The following RNGTT variants were observed in gnomAD, a reference collection of about 807,000 sequenced individuals.
RNGTT encodes RNA guanylyltransferase and 5'-phosphatase, also known as mRNA-capping enzyme.
In RNGTT, 33 loss-of-function variants were observed where a neutral mutation model predicts 79.3. The ratio of observed to expected loss-of-function variants is 0.42; its 90% CI spans 0.32 to 0.56. The LOEUF (loss-of-function observed/expected upper bound fraction) is 0.56, where lower values mean the gene tolerates loss of function less well. Among genes scored for constraint, RNGTT ranks in the 20% least tolerant of loss-of-function variants. The probability of loss-of-function intolerance (pLI) is 0.17; values close to 1 mark genes in which losing one functional copy is unlikely to be tolerated. For synonymous variants in RNGTT, 222 were observed against 235.9 expected (o/e 0.94, Z 0.54); for missense variants, 497 against 739.1 (o/e 0.67, Z 3.80).
rs747981509 is a variant in RNGTT at position 88,844,366 on chromosome 6, A to C, written c.1260T>G (p.Thr420=). The C allele has an allele frequency of 5.0e-6, 8 of 1,610,086 alleles. No individual in the cohort carries two copies. The highest frequency in any genetic ancestry group is 6.8e-6 in the Non-Finnish European group (8 of 1,179,034). ...VRNKPFFDIC[T]SRKLLEGNFA... Reference sequence around the variant, plus strand: ...AAAAATTAAACTTTACCTTTCTTGAAGTACAGATGTCAAAAAACGGCTTAT... The same window carrying C: ...AAAAATTAAACTTTACCTTTCTTGACGTACAGATGTCAAAAAACGGCTTAT... The change falls in exon 11 of 16, where the codon ACT becomes ACG. Residue 420 remains threonine (T), a synonymous_variant. Transcript: ENST00000369485.
rs1427879611 is a variant in RNGTT at position 88,930,155 on chromosome 6, TAC to T, written c.175-890_175-889del. 9.5e-5 allele frequency among the ~76,000 whole-genome samples: 14 copies of T among 147,988 alleles called. No individual in the cohort carries two copies. In the South Asian group the frequency reaches 2.7e-3, roughly 29 times the overall value. ...ATACATACATATACATATACGTACATACATATATACATATACATATATGTATA... is the reference window on the plus strand; with the variant it reads ...ATACATACATATACATATACGTACATATATATACATATACATATATGTATA... On this transcript the variant is annotated intron_variant, in intron 2 of 15. Transcript: ENST00000369485.
At chr6:88,632,560 C>G (rs1772939691) in intron 14 of RNGTT, among the ~76,000 whole-genome samples, 1 of 149,678 alleles carries the variant, frequency 6.7e-6, no homozygotes, top group Admixed American at 6.6e-5. Context: ...CACACACACA[C>G]ACACACACAC....
intron 14 of RNGTT, among the ~76,000 whole-genome samples, chr6:88,626,095 T>C (rs976904025): frequency 2.0e-5 from 3 of 151,980 alleles, no homozygotes; most frequent in Admixed American, 2.0e-4. Flanking sequence ...AACAGAGGCA[T>C]AGAGGAGTTA....
At chr6:88,636,509 A>G (rs188133231) in intron 14 of RNGTT, among the ~76,000 whole-genome samples, 1 of 152,102 alleles carries the variant, frequency 6.6e-6, no homozygotes, top group East Asian at 1.9e-4. Flanking sequence ...GCTCTTATCC[A>G]TATAATCTGA....
At chr6:88,669,489 C>T (rs1000590027) in intron 14 of RNGTT, among the ~76,000 whole-genome samples, 2 of 152,224 alleles carry the variant, frequency 1.3e-5, no homozygotes, top group Non-Finnish European at 2.9e-5. Flanking sequence ...GAAAAGACTT[C>T]ACCATCCCCG....
At chr6:88,890,459 G>A in intron 8 of RNGTT, 36 bp downstream of exon 8, 2 of 1,278,134 alleles carry the variant, frequency 1.6e-6, no homozygotes, top group African/African-American at 1.5e-5. Flanking sequence ...CAAGCATTAG[G>A]GTTATTTGTG....
intron 12 of RNGTT, among the ~76,000 whole-genome samples, chr6:88,785,757 C>T (rs2127851992): frequency 6.6e-6 from 1 of 152,250 alleles, no homozygotes; most frequent in East Asian, 1.9e-4. Flanking sequence ...CAAGACAAGG[C>T]ATTAGGCTAA....
chr6:88,654,369 T>G (rs1773902728), intron 14 of RNGTT, among the ~76,000 whole-genome samples: 1 of 152,184 alleles, frequency 6.6e-6, no homozygotes, highest in African/African-American at 2.4e-5. Context: ...TTCATTCCTT[T>G]CTCTCAAGTT....
intron 12 of RNGTT, among the ~76,000 whole-genome samples, chr6:88,770,271 T>C (rs994517389): frequency 6.6e-6 from 1 of 152,178 alleles, no homozygotes; most frequent in Non-Finnish European, 1.5e-5. Context: ...AAAATCATGA[T>C]ATTGAACATT....
At chr6:88,906,479 AC>A in intron 4 of RNGTT, 39 bp from the exon 5 acceptor site, 1 of 1,236,762 alleles carries the variant, frequency 8.1e-7, no homozygotes, top group South Asian at 1.4e-5. Context: ...TTAACAAATC[AC>A]TGCAGAGGCC....
At position 88,727,595 on chromosome 6, in the gene RNGTT, T is replaced by A. The variant is rs1296022029; in HGVS notation, c.1439+42179A>T. 3.3e-5 allele frequency among the ~76,000 whole-genome samples: 5 copies of A among 152,354 alleles called. No homozygotes were observed. The East Asian group carries it at 7.7e-4, about 23-fold the overall frequency. The stretch of plus-strand genomic sequence containing the variant: ...TAGGTCTACAAGGTTTTATTAAAAT[T>A]GAGTTTAACATTAATAACACACTAA... On this transcript the variant is annotated intron_variant, in intron 13 of 15. Coordinates refer to ENST00000369485, the MANE Select transcript of RNGTT (RefSeq NM_003800.5).
chr6:88,645,780 C>T (rs1205305990), intron 14 of RNGTT, among the ~76,000 whole-genome samples: 1 of 152,170 alleles, frequency 6.6e-6, no homozygotes, highest in Non-Finnish European at 1.5e-5. Flanking sequence ...ACAAATGGTG[C>T]TGGGAAAACT....
intron 8 of RNGTT, among the ~76,000 whole-genome samples, chr6:88,870,279 T>C (rs1258412829): frequency 6.6e-6 from 1 of 152,084 alleles, no homozygotes; most frequent in Non-Finnish European, 1.5e-5. Context: ...ATGTAGTTCC[T>C]CCAGAAAATA....
At chr6:88,646,275 A>T (rs1773554519) in intron 14 of RNGTT, among the ~76,000 whole-genome samples, 1 of 152,226 alleles carries the variant, frequency 6.6e-6, no homozygotes, top group Admixed American at 6.5e-5. Context: ...GAGAAATGCA[A>T]ATCAAAACCA....
chr6:88,893,278 G>A (rs768166529), intron 6 of RNGTT, among the ~76,000 whole-genome samples: 18 of 151,968 alleles, frequency 1.2e-4, no homozygotes, highest in Non-Finnish European at 2.1e-4. Flanking sequence ...TCAATATTAA[G>A]CATCCTAATT....
At chr6:88,895,632 T>C (rs374237483) in intron 6 of RNGTT, among the ~76,000 whole-genome samples, 5 of 152,312 alleles carry the variant, frequency 3.3e-5, no homozygotes, top group African/African-American at 1.2e-4. Flanking sequence ...AATACCTTCA[T>C]TATGTCAAGA....
intron 14 of RNGTT, among the ~76,000 whole-genome samples, chr6:88,615,967 G>A (rs577755599): frequency 1.3e-5 from 2 of 152,126 alleles, no homozygotes; most frequent in Admixed American, 1.3e-4. Flanking sequence ...TTGCAACACT[G>A]AAATGCTATA....
At chr6:88,871,120 G>C (rs1318765416) in intron 8 of RNGTT, among the ~76,000 whole-genome samples, 6 of 152,032 alleles carry the variant, frequency 3.9e-5, no homozygotes, top group Non-Finnish European at 8.8e-5. Context: ...ATGTATTCTA[G>C]AGTATACAGA....
At chr6:88,683,455 A>G (rs1032000380) in intron 13 of RNGTT, among the ~76,000 whole-genome samples, 3 of 152,196 alleles carry the variant, frequency 2.0e-5, no homozygotes, top group Admixed American at 6.5e-5. Flanking sequence ...TACTCCACAA[A>G]GCAAGCAAAA....
Sources: allele counts gnomAD v4.1 joint callset (sites outside exome capture counted in the v4.1 genomes callset), GRCh38; gene constraint gnomAD v4.1.1; transcripts MANE v1.5; gene names NCBI Gene and HGNC (gene_info 2026-07-23, HGNC 2026-07-21).